The following KIAA1217 variants were observed in gnomAD, a reference collection of about 807,000 sequenced individuals.
The protein encoded by KIAA1217 is KIAA1217, also known as sickle tail protein homolog.
Under a neutral mutation model 163.9 loss-of-function variants are expected in KIAA1217, and 88 were observed. The ratio of observed to expected loss-of-function variants is 0.54; its 90% CI spans 0.45 to 0.64. The LOEUF (loss-of-function observed/expected upper bound fraction) is 0.64, where lower values mean the gene tolerates loss of function less well. KIAA1217 is among the 30% of genes least tolerant of loss of function. The probability of loss-of-function intolerance (pLI) is 0.00; values close to 1 mark genes in which losing one functional copy is unlikely to be tolerated. For missense variants in KIAA1217, 2,372 were observed against 2,475.0 expected (o/e 0.96, Z 0.88); for synonymous variants, 903 against 923.1 (o/e 0.98, Z 0.39).
chr10:24,202,602 T>TC (rs977793089), intron 2 of KIAA1217, among the ~76,000 whole-genome samples: 4 of 152,090 alleles, frequency 2.6e-5, no homozygotes, highest in African/African-American at 9.7e-5. Flanking sequence ...GCTCCCAAGC[T>TC]CCCCTCACAG....
At chr10:24,478,877 A>G (rs1168185481) in intron 6 of KIAA1217, among the ~76,000 whole-genome samples, 1 of 152,200 alleles carries the variant, frequency 6.6e-6, no homozygotes, top group Non-Finnish European at 1.5e-5. Flanking sequence ...GTGAAATAAC[A>G]CTCAAAATTC....
At chr10:23,913,663 G>A (rs1842527121) in intron 1 of KIAA1217, among the ~76,000 whole-genome samples, 1 of 152,100 alleles carries the variant, frequency 6.6e-6, no homozygotes, top group African/African-American at 2.4e-5. Flanking sequence ...AGAAATGTCT[G>A]GTTCTAAAAT....
intron 3 of KIAA1217, among the ~76,000 whole-genome samples, chr10:24,428,229 C>A (rs568403189): frequency 2.0e-5 from 3 of 152,218 alleles, no homozygotes; most frequent in African/African-American, 7.2e-5. Flanking sequence ...GGGCATGGAC[C>A]TCAAGAGCGG....
chr10:24,023,538 C>T (rs1011177890), intron 2 of KIAA1217, among the ~76,000 whole-genome samples: 1 of 151,358 alleles, frequency 6.6e-6, no homozygotes, highest in Non-Finnish European at 1.5e-5. Context: ...GACCTACTTT[C>T]GATATATATG....
intron 2 of KIAA1217, among the ~76,000 whole-genome samples, chr10:24,060,660 G>T (rs1402569139): frequency 6.6e-6 from 1 of 152,056 alleles, no homozygotes; most frequent in Non-Finnish European, 1.5e-5. Flanking sequence ...GATGTGCGTG[G>T]TGACACAAGC....
At chr10:24,280,366 G>A (rs1258357249) in intron 2 of KIAA1217, among the ~76,000 whole-genome samples, 1 of 152,170 alleles carries the variant, frequency 6.6e-6, no homozygotes, top group African/African-American at 2.4e-5. Flanking sequence ...ATAATCTGGA[G>A]TACACACAGG....
Position 24,143,696 on chromosome 10 carries a change from C to G in KIAA1217, c.-170-75930C>G, listed in dbSNP as rs75616396. On this transcript the variant is annotated intron_variant, in intron 2 of 18. Coordinates refer to the KIAA1217 transcript ENST00000376462. The stretch of plus-strand genomic sequence containing the variant: ...CTAGTGTATCCCATATTCAGTCTCA[C>G]GGAGAACCAGGGTGTGATTGGTTTT... 2.4e-4 allele frequency among the ~76,000 whole-genome samples: 36 copies of G among 152,090 alleles called. No individual in the cohort carries two copies. The East Asian group carries it at 6.2e-3, about 26-fold the overall frequency.
chr10:24,158,291 T>G (rs975589243), intron 2 of KIAA1217: 5 of 705,666 alleles, frequency 7.1e-6, no homozygotes, highest in African/African-American at 5.2e-5. Flanking sequence ...CCTTCCCGGT[T>G]GGATCCTTTT....
intron 1 of KIAA1217, among the ~76,000 whole-genome samples, chr10:23,950,837 G>GT (rs1844305135): frequency 1.3e-5 from 2 of 152,132 alleles, no homozygotes; most frequent in South Asian, 4.1e-4. Context: ...GGCTCAGATT[G>GT]TTTTTTGTTT....
At chr10:24,160,786 C>T (rs1277425907) in intron 2 of KIAA1217, among the ~76,000 whole-genome samples, 4 of 152,148 alleles carry the variant, frequency 2.6e-5, no homozygotes, top group African/African-American at 9.7e-5. Flanking sequence ...ATTTCTAGGA[C>T]TTGTAAGGAT....
chr10:23,871,483 T>A (rs147915568), intron 1 of KIAA1217, among the ~76,000 whole-genome samples: 101 of 152,200 alleles, frequency 6.6e-4, no homozygotes, highest in Non-Finnish European at 9.3e-4. Flanking sequence ...TTCTTGATTT[T>A]TAGTCAAGTT....
At chr10:24,110,046 A>G (rs1184428376) in intron 2 of KIAA1217, among the ~76,000 whole-genome samples, 1 of 152,204 alleles carries the variant, frequency 6.6e-6, no homozygotes, top group Non-Finnish European at 1.5e-5. Flanking sequence ...TTTTTGGTTA[A>G]TAATTGTTTA....
intron 1 of KIAA1217, among the ~76,000 whole-genome samples, chr10:23,735,905 C>T (rs1838770216): frequency 6.6e-6 from 1 of 152,188 alleles, no homozygotes; most frequent in Non-Finnish European, 1.5e-5. Context: ...ACCCCACATT[C>T]CCAGAAGTTT....
chr10:23,887,422 G>A (rs1055573808), intron 1 of KIAA1217, among the ~76,000 whole-genome samples: 4 of 151,858 alleles, frequency 2.6e-5, no homozygotes, highest in Non-Finnish European at 5.9e-5. Flanking sequence ...AAGAAACACA[G>A]CTATAGGCGA....
At chr10:23,850,989 T>A (rs912804772) in intron 1 of KIAA1217, among the ~76,000 whole-genome samples, 1 of 151,996 alleles carries the variant, frequency 6.6e-6, no homozygotes, top group Non-Finnish European at 1.5e-5. Context: ...ACCAGGCCCC[T>A]CTTCCAATAC....
chr10:23,773,735 G>C (rs1170484008), intron 1 of KIAA1217, among the ~76,000 whole-genome samples: 1 of 151,942 alleles, frequency 6.6e-6, no homozygotes, highest in African/African-American at 2.4e-5. Flanking sequence ...ATTGTGAATG[G>C]GAGTTCACTC....
intron 1 of KIAA1217, among the ~76,000 whole-genome samples, chr10:24,214,044 C>A (rs529648627): frequency 6.6e-6 from 1 of 152,090 alleles, no homozygotes; most frequent in African/African-American, 2.4e-5. Context: ...GTAGTCCCAG[C>A]CACTCCAGAT....
At chr10:24,158,190 T>C (rs1003426287) in intron 2 of KIAA1217, 4 of 741,156 alleles carry the variant, frequency 5.4e-6, no homozygotes, top group Non-Finnish European at 1.0e-5. Flanking sequence ...TGATGCAGAG[T>C]CCTCTTACTG....
intron 2 of KIAA1217, among the ~76,000 whole-genome samples, chr10:24,322,802 A>G (rs1254744223): frequency 2.6e-5 from 4 of 152,212 alleles, no homozygotes; most frequent in Non-Finnish European, 5.9e-5. Flanking sequence ...ACTGAAATGA[A>G]TAGGACAGAG....
Sources: allele counts gnomAD v4.1 joint callset (sites outside exome capture counted in the v4.1 genomes callset), GRCh38; gene constraint gnomAD v4.1.1; transcripts MANE v1.5; gene names NCBI Gene and HGNC (gene_info 2026-07-23, HGNC 2026-07-21).